The following GALNT18 variants were observed in gnomAD, a reference collection of about 807,000 sequenced individuals.
The protein encoded by GALNT18 is GalNAc-transferase 18.
A neutral mutation model predicts 69.5 loss-of-function variants in GALNT18; 44 were observed. The observed-to-expected ratio is 0.63, with a 90% CI of 0.50 to 0.81. The LOEUF is 0.81. Among genes scored for constraint, GALNT18 ranks in the 40% least tolerant of loss-of-function variants. The probability of loss-of-function intolerance (pLI) is 0.00; values close to 1 mark genes in which losing one functional copy is unlikely to be tolerated. For synonymous variants in GALNT18, 364 were observed against 318.2 expected (o/e 1.14, Z -1.53); for missense variants, 715 against 810.0 (o/e 0.88, Z 1.42).
chr11:11,557,634 C>T (rs1157266446), intron 1 of GALNT18, among the ~76,000 whole-genome samples: 3 of 152,206 alleles, frequency 2.0e-5, no homozygotes, highest in South Asian at 4.1e-4. Context: ...GTGTGGCACA[C>T]GCTGAGCACT....
intron 9 of GALNT18, among the ~76,000 whole-genome samples, chr11:11,303,849 G>A (rs779143966): frequency 1.3e-5 from 2 of 152,210 alleles, no homozygotes; most frequent in Admixed American, 6.5e-5. Flanking sequence ...GGAGACAAGG[G>A]ACCTTTGGTG....
At position 11,377,241 on chromosome 11, in the gene GALNT18, G is replaced by A. The variant is rs770958001; in HGVS notation, c.918C>T (p.Cys306=). The A allele has an allele frequency of 5.6e-6, 9 of 1,613,838 alleles. No homozygotes were observed. The South Asian group carries it at 9.9e-5, about 18-fold the overall frequency. ...AGGCCTTGGGGGGATTTAGGTAGCG[G>A]CACCACAGCTCCCAGTCAAAGCCCT... The part of the protein sequence containing the change: ...AAQGFDWELW[C]RYLNPPKAWW... Residue 306 remains cysteine, a synonymous_variant, in exon 5 of 11, where the codon TGC becomes TGT. Coordinates refer to ENST00000227756, the MANE Select transcript of GALNT18 (RefSeq NM_198516.3). The surrounding 1 kb of genome is among the most constrained non-coding windows in gnomAD (Gnocchi z 4.6).
At position 11,538,062 on chromosome 11, in the gene GALNT18, T is replaced by A. The variant is rs1322623872; in HGVS notation, c.235+83297A>T. Among the ~76,000 whole-genome samples the A allele has an allele frequency of 6.6e-6, 1 of 152,232 alleles. No homozygotes were observed. The highest frequency in any genetic ancestry group is 1.9e-4 in the East Asian group (1 of 5,202). On this transcript the variant is annotated intron_variant, in intron 1 of 10. Coordinates refer to ENST00000227756, the MANE Select transcript of GALNT18 (RefSeq NM_198516.3). The surrounding 1 kb of genome is among the most constrained non-coding windows in gnomAD (Gnocchi z 5.2). ...CAGACACTGCTGAGTGTTTTACTAA[T>A]CTTATTTATGTTAACTCTTATCACA...
At chr11:11,569,504 G>A (rs1201774315) in intron 1 of GALNT18, among the ~76,000 whole-genome samples, 1 of 152,128 alleles carries the variant, frequency 6.6e-6, no homozygotes, top group Non-Finnish European at 1.5e-5. Context: ...TCTGATCTCA[G>A]AGGGCTTGCA....
chr11:11,552,364 A>G (rs1858217506), intron 1 of GALNT18, among the ~76,000 whole-genome samples: 2 of 152,206 alleles, frequency 1.3e-5, no homozygotes, highest in South Asian at 4.1e-4. Flanking sequence ...ATCACTCATC[A>G]TGTTGTATCA....
Position 11,349,257 on chromosome 11 carries a change from C to T in GALNT18, c.1093-8253G>A, listed in dbSNP as rs559743475. On this transcript the variant is annotated intron_variant, in intron 6 of 10. Coordinates refer to ENST00000227756, the MANE Select transcript of GALNT18 (RefSeq NM_198516.3). ...ATTACGGATGGTGCTCCTCGGAACG[C>T]GCTTGTATGTGTCTCCTGGTGCACG... Among the ~76,000 whole-genome samples the T allele has an allele frequency of 6.6e-5, 10 of 152,270 alleles. No homozygotes were observed. The East Asian group carries it at 1.3e-3, about 21-fold the overall frequency.
chr11:11,350,734 C>G (rs560197185), intron 6 of GALNT18, among the ~76,000 whole-genome samples: 2 of 152,298 alleles, frequency 1.3e-5, no homozygotes, highest in African/African-American at 4.8e-5. Context: ...CTTAGGTGCA[C>G]TTCTACTCCC....
chr11:11,401,056 G>A (rs867249638), intron 3 of GALNT18, among the ~76,000 whole-genome samples: 11 of 152,140 alleles, frequency 7.2e-5, no homozygotes, highest in Non-Finnish European at 1.5e-4. Flanking sequence ...GTAGTGAGAC[G>A]AGATCAGGGG....
rs1341264996 is a variant in GALNT18 at position 11,356,596 on chromosome 11, T to C, written c.1093-15592A>G. Among the ~76,000 whole-genome samples, 1 of 152,194 alleles carries C rather than the reference T, an allele frequency of 6.6e-6. No homozygotes were observed. The highest frequency in any genetic ancestry group is 1.5e-5 in the Non-Finnish European group (1 of 68,032). On this transcript the variant is annotated intron_variant, in intron 6 of 10. Coordinates refer to ENST00000227756, the MANE Select transcript of GALNT18 (RefSeq NM_198516.3). The surrounding 1 kb of genome is among the most constrained non-coding windows in gnomAD (Gnocchi z 4.4). Reference sequence around the variant, plus strand: ...CACCAATTGTCCCAATCAAAGCCTTTATAGCTATTTTTCCCCTTCATCCAA... The same window carrying C: ...CACCAATTGTCCCAATCAAAGCCTTCATAGCTATTTTTCCCCTTCATCCAA...
intron 6 of GALNT18, among the ~76,000 whole-genome samples, chr11:11,371,864 T>A (rs1850915338): frequency 6.6e-6 from 1 of 152,214 alleles, no homozygotes; most frequent in South Asian, 2.1e-4. Context: ...CTAGGAATTG[T>A]TCCTGTAGGA....
At chr11:11,471,277 T>A (rs1283160945) in intron 1 of GALNT18, among the ~76,000 whole-genome samples, 1 of 152,258 alleles carries the variant, frequency 6.6e-6, no homozygotes, top group African/African-American at 2.4e-5. Flanking sequence ...CAGCACCTAA[T>A]AGATGCACAA....
At chr11:11,498,380 G>A (rs78677446) in intron 1 of GALNT18, among the ~76,000 whole-genome samples, 3 of 152,318 alleles carry the variant, frequency 2.0e-5, no homozygotes, top group Admixed American at 6.5e-5. Flanking sequence ...AAGTGCAGAG[G>A]AAATGGGGGC....
At chr11:11,482,680 T>C (rs1454818646) in intron 1 of GALNT18, among the ~76,000 whole-genome samples, 1 of 152,154 alleles carries the variant, frequency 6.6e-6, no homozygotes, top group Non-Finnish European at 1.5e-5. Context: ...ATTGCAAACG[T>C]GTTAAGAAGA....
chr11:11,427,966 C>T (rs761464489), intron 3 of GALNT18, among the ~76,000 whole-genome samples: 4 of 152,162 alleles, frequency 2.6e-5, no homozygotes, highest in South Asian at 2.1e-4. Flanking sequence ...GCAGCAGAAC[C>T]GAGCCTGGAA....
chr11:11,487,009 A>G (rs1206718703), intron 1 of GALNT18, among the ~76,000 whole-genome samples: 1 of 152,184 alleles, frequency 6.6e-6, no homozygotes, highest in Non-Finnish European at 1.5e-5. Flanking sequence ...ATGACCACCC[A>G]TCATCCTCCA....
rs560593374 is a variant in GALNT18 at position 11,592,513 on chromosome 11, T to C, written c.235+28846A>G. ...CTACCATGGCTCCCTGGCAGAACCA[T>C]GCTCCCTCACCTTACCCCCACACAC... is the stretch of plus-strand genomic sequence containing the variant. On this transcript the variant is annotated intron_variant, in intron 1 of 10. Transcript: ENST00000227756. The surrounding 1 kb of genome is among the most constrained non-coding windows in gnomAD (Gnocchi z 5.9). 1.3e-4 allele frequency among the ~76,000 whole-genome samples: 20 copies of C among 152,270 alleles called. No homozygotes were observed. In the South Asian group the frequency reaches 1.7e-3, roughly 13 times the overall value.
chr11:11,479,049 C>A (rs1856467350), intron 1 of GALNT18, among the ~76,000 whole-genome samples: 1 of 152,230 alleles, frequency 6.6e-6, no homozygotes, highest in African/African-American at 2.4e-5. Flanking sequence ...ACTGTCCATG[C>A]CCTTGGCTCT....
chr11:11,440,425 G>C lies in GALNT18; in HGVS notation c.429-7638C>G, dbSNP rs560810861. ...GGCCAGGCCCATAGCACCTACAGCT[G>C]AGGAAGGTGGGGCAGGGCAGATCTG... is the stretch of plus-strand genomic sequence containing the variant. On this transcript the variant is annotated intron_variant, in intron 2 of 10. Transcript: ENST00000227756. 4.9e-4 allele frequency among the ~76,000 whole-genome samples: 74 copies of C among 152,330 alleles called. 3 individuals are homozygous for C. In the South Asian group the frequency reaches 0.014, roughly 29 times the overall value.
At chr11:11,293,688 C>T (rs771930933) in intron 9 of GALNT18, among the ~76,000 whole-genome samples, 3 of 151,830 alleles carry the variant, frequency 2.0e-5, no homozygotes, top group African/African-American at 4.8e-5. Context: ...ATTACAGATG[C>T]GCACCACCAT....
Sources: allele counts gnomAD v4.1 joint callset (sites outside exome capture counted in the v4.1 genomes callset), GRCh38; gene constraint gnomAD v4.1.1; non-coding constraint Gnocchi (gnomAD v3.1); transcripts MANE v1.5; gene names NCBI Gene and HGNC (gene_info 2026-07-23, HGNC 2026-07-21).